Variants in GNAO1 observed in about 807,000 individuals in gnomAD.
GNAO1 encodes guanine nucleotide-binding protein G(o) subunit alpha.
For missense variants in GNAO1, 166 were observed against 478.7 expected, an observed-to-expected ratio of 0.35 and a Z score of 6.10; for synonymous variants, 164 against 180.7, an observed-to-expected ratio of 0.91 and a Z score of 0.74.
intron 8 of GNAO1, 41 bp downstream of exon 8, chr16:56,355,122 G>GCACACACA: frequency 1.3e-6 from 1 of 754,420 alleles, no homozygotes; most frequent in Non-Finnish European, 2.1e-6. Flanking sequence ...GCGTGCGCGC[G>GCACACACA]CATACACACA....
In GNAO1 at chr16:56,191,797, T is replaced by G. The variant is rs925915345; in HGVS notation, c.-439T>G. 1.1e-4 allele frequency: 22 copies of G among 208,930 alleles called. No individual in the cohort carries two copies. Among genetic ancestry groups the G allele is most frequent in the Admixed American group, 8.5e-4 (15 of 17,676 alleles). 12.9% of individuals were successfully genotyped at this position (208,930 alleles called of 1,614,324 possible). A position where few individuals can be genotyped will look rare whatever the true frequency, so the allele number is the denominator to read the frequency against. ...CACCTCCTCCTCCGCCGCCGCCGCC[T>G]CCTCCTCCTCCGGCAGCCGCGGCAG... On this transcript the variant is annotated 5_prime_UTR_variant, in exon 1 of 9. Coordinates refer to ENST00000262493, the MANE Select transcript of GNAO1 (RefSeq NM_020988.3). The surrounding 1 kb of genome is among the most constrained non-coding windows in gnomAD (Gnocchi z 4.7).
At chr16:56,322,987 C>T (rs1440090217) in intron 3 of GNAO1, among the ~76,000 whole-genome samples, 1 of 152,188 alleles carries the variant, frequency 6.6e-6, no homozygotes. Context: ...CCCTGAGGAC[C>T]AGGCTCATAC....
chr16:56,264,530 G>C lies in GNAO1; in HGVS notation c.162-11401G>C, dbSNP rs372763127. The stretch of plus-strand genomic sequence containing the variant: ...TTGGCAGCTGACATCTTTGCTTCTG[G>C]CCAGAGCTACCCCTTATTAAAAATG... On this transcript the variant is annotated intron_variant, in intron 2 of 8. Coordinates refer to ENST00000262493, the MANE Select transcript of GNAO1 (RefSeq NM_020988.3). Among the ~76,000 whole-genome samples, 23 of 152,264 alleles carry C rather than the reference G, an allele frequency of 1.5e-4. No homozygotes were observed. The East Asian group carries it at 3.3e-3, about 22-fold the overall frequency.
intron 3 of GNAO1, among the ~76,000 whole-genome samples, chr16:56,328,181 A>G (rs1450564106): frequency 6.6e-6 from 1 of 152,216 alleles, no homozygotes; most frequent in Non-Finnish European, 1.5e-5. Context: ...AGAAGTATAG[A>G]AAATTACAGC....
At chr16:56,234,666 C>T in intron 2 of GNAO1, among the ~76,000 whole-genome samples, 1 of 152,216 alleles carries the variant, frequency 6.6e-6, no homozygotes, top group East Asian at 1.9e-4. Context: ...GGAGTCTTCT[C>T]CGAGGGTACA....
intron 6 of GNAO1, chr16:56,344,458 G>T (rs1439781876): frequency 1.3e-5 from 13 of 996,890 alleles, no homozygotes; most frequent in Non-Finnish European, 1.3e-5. Flanking sequence ...CTTGGTGTGG[G>T]TTGGAGGACT....
chr16:56,294,649 G>A (rs1010523389), intron 3 of GNAO1, among the ~76,000 whole-genome samples: 24 of 152,154 alleles, frequency 1.6e-4, no homozygotes, highest in African/African-American at 5.8e-4. Flanking sequence ...GAATTGCTGG[G>A]TCACGTTGGG....
intron 2 of GNAO1, among the ~76,000 whole-genome samples, chr16:56,207,193 C>T (rs2036338403): frequency 6.6e-6 from 1 of 152,196 alleles, no homozygotes; most frequent in South Asian, 2.1e-4. Context: ...GTGAAAGAAG[C>T]ATGAACTTTG....
At chr16:56,235,799 A>G (rs1359599747) in intron 2 of GNAO1, among the ~76,000 whole-genome samples, 1 of 152,194 alleles carries the variant, frequency 6.6e-6, no homozygotes, top group Non-Finnish European at 1.5e-5. Flanking sequence ...TAAGATGAAT[A>G]TGCATGATTC....
In GNAO1 at chr16:56,209,124, A is replaced by G. The variant is rs929797754; in HGVS notation, c.161+16508A>G. 5.9e-5 allele frequency among the ~76,000 whole-genome samples: 9 copies of G among 151,916 alleles called. No homozygotes were observed. The South Asian group carries it at 1.7e-3, about 28-fold the overall frequency. On this transcript the variant is annotated intron_variant, in intron 2 of 8. Transcript: ENST00000262493. The stretch of plus-strand genomic sequence containing the variant: ...CCTCTTTAAAAAGCTTTGGAGATTT[A>G]TTTTATTTTCTATTTAACTGTTTAA...
At chr16:56,297,903 T>C (rs1185731140) in intron 3 of GNAO1, among the ~76,000 whole-genome samples, 1 of 152,196 alleles carries the variant, frequency 6.6e-6, no homozygotes, top group African/African-American at 2.4e-5. Context: ...GAGTGCTGGC[T>C]CACGCCCATA....
chr16:56,301,019 A>G (rs1296358729), intron 3 of GNAO1: 1 of 152,224 alleles, frequency 6.6e-6, no homozygotes, highest in African/African-American at 2.4e-5. Flanking sequence ...CACCAGCCCC[A>G]TTCCCTGCTG....
intron 6 of GNAO1, chr16:56,340,978 G>A: frequency 4.5e-5 from 72 of 1,613,660 alleles, no homozygotes; most frequent in Non-Finnish European, 6.0e-5. Context: ...CTGCTTTCCT[G>A]AATATACAGG....
chr16:56,355,651 T>G (rs541583112), intron 8 of GNAO1: 4 of 152,352 alleles, frequency 2.6e-5, no homozygotes, highest in African/African-American at 9.6e-5. Flanking sequence ...TGGTGGTGGT[T>G]GTTAATTTCA....
chr16:56,255,889 A>G (rs2036841786), intron 2 of GNAO1, among the ~76,000 whole-genome samples: 1 of 152,194 alleles, frequency 6.6e-6, no homozygotes, highest in South Asian at 2.1e-4. Flanking sequence ...ACCAATTCAC[A>G]TCTCAACAGG....
chr16:56,331,688 A>G (rs530132245), intron 4 of GNAO1, among the ~76,000 whole-genome samples: 3 of 152,118 alleles, frequency 2.0e-5, no homozygotes, highest in South Asian at 2.1e-4. Context: ...CCCGTCCCCA[A>G]GCTCCATCCC....
At chr16:56,194,616 GGA>G (rs1449527375) in intron 2 of GNAO1, 1 of 194,942 alleles carries the variant, frequency 5.1e-6, no homozygotes, top group Non-Finnish European at 1.1e-5. Context: ...GTGCTCCGGC[GGA>G]GAGAGCCGAG....
intron 2 of GNAO1, among the ~76,000 whole-genome samples, chr16:56,242,861 TG>T (rs2036707572): frequency 6.6e-6 from 1 of 152,214 alleles, no homozygotes; most frequent in African/African-American, 2.4e-5. Context: ...GGCCACAGAC[TG>T]GTGGGAACCC....
intron 7 of GNAO1, chr16:56,352,354 T>G (rs566151135): frequency 6.6e-6 from 1 of 152,408 alleles, no homozygotes; most frequent in African/African-American, 2.4e-5. Flanking sequence ...CTACTGCTAA[T>G]GCCTAAAAGC....
Sources: gnomAD v4.1 joint callset for allele counts (sites outside exome capture counted in the v4.1 genomes callset) on GRCh38, gnomAD v4.1.1 for gene constraint, Gnocchi (gnomAD v3.1) non-coding constraint, MANE v1.5 for transcripts, NCBI Gene and HGNC (gene_info 2026-07-23, HGNC 2026-07-21) for gene names.